Variants in CADPS observed in about 807,000 individuals in gnomAD.
CADPS encodes the protein calcium dependent secretion activator.
In CADPS, 57 loss-of-function variants were observed where a neutral mutation model predicts 167.3. That is an observed-to-expected ratio of 0.34 (90% CI 0.28 to 0.42). The LOEUF (loss-of-function observed/expected upper bound fraction) is 0.42. Among genes scored for constraint, CADPS ranks in the 20% least tolerant of loss-of-function variants. The probability of loss-of-function intolerance (pLI) is 1.00; values close to 1 mark genes in which losing one functional copy is unlikely to be tolerated. For synonymous variants in CADPS, 676 were observed against 635.3 expected, an observed-to-expected ratio of 1.06 and a Z score of -0.96; for missense variants, 1,414 against 1,738.1, an observed-to-expected ratio of 0.81 and a Z score of 3.32.
chr3:62,663,925 G>A (rs2073911172), intron 3 of CADPS, among the ~76,000 whole-genome samples: 1 of 152,190 alleles, frequency 6.6e-6, no homozygotes, highest in South Asian at 2.1e-4. Flanking sequence ...TTCTAAGGCA[G>A]TATTTTCCAA....
At chr3:62,606,020 T>C (rs1448274434) in intron 6 of CADPS, among the ~76,000 whole-genome samples, 1 of 152,182 alleles carries the variant, frequency 6.6e-6, no homozygotes, top group Non-Finnish European at 1.5e-5. Flanking sequence ...CTTCCTTCTC[T>C]GAGTGCCTGG....
At chr3:62,731,934 A>G (rs1381549158) in intron 3 of CADPS, among the ~76,000 whole-genome samples, 2 of 147,020 alleles carry the variant, frequency 1.4e-5, no homozygotes, top group African/African-American at 5.2e-5. Flanking sequence ...AAGGCCCCTT[A>G]GAGGTGGAGC....
At chr3:62,498,889 T>C (rs1352736657) in intron 18 of CADPS, among the ~76,000 whole-genome samples, 1 of 152,204 alleles carries the variant, frequency 6.6e-6, no homozygotes, top group African/African-American at 2.4e-5. Flanking sequence ...AGATGCTGCT[T>C]GAATGATTAA....
chr3:62,398,949 TAAA>T lies in CADPS; in HGVS notation c.*454_*456del, dbSNP rs1704947413. The T allele has an allele frequency of 6.6e-6, 1 of 152,536 alleles. No individual in the cohort carries two copies. The highest frequency in any genetic ancestry group is 1.9e-4 in the East Asian group (1 of 5,200). 9.4% of individuals were successfully genotyped at this position (152,536 alleles called of 1,614,324 possible). ...CCTTTTGTTTTTCAAAAAATAAAAA[TAAA>T]AACACAAAGCAGATCTATGTGTTTT... On this transcript the variant is annotated 3_prime_UTR_variant, in exon 30 of 30. Coordinates refer to ENST00000383710, the MANE Select transcript of CADPS (RefSeq NM_003716.4).
intron 28 of CADPS, among the ~76,000 whole-genome samples, chr3:62,418,214 A>G (rs952143810): frequency 9.2e-5 from 14 of 151,944 alleles, no homozygotes; most frequent in Non-Finnish European, 1.9e-4. Context: ...ATGTAATTTC[A>G]TATGTAATAA....
intron 3 of CADPS, among the ~76,000 whole-genome samples, chr3:62,683,816 T>G (rs1249960769): frequency 1.3e-5 from 2 of 152,056 alleles, no homozygotes; most frequent in African/African-American, 4.8e-5. Flanking sequence ...GGAATGTCCC[T>G]TGATTTGGGT....
intron 1 of CADPS, among the ~76,000 whole-genome samples, chr3:62,836,657 C>A (rs1236433304): frequency 6.6e-6 from 1 of 152,114 alleles, no homozygotes; most frequent in Non-Finnish European, 1.5e-5. Context: ...TCTTTGGAAG[C>A]TAAGCTGGAG....
intron 10 of CADPS, among the ~76,000 whole-genome samples, chr3:62,551,803 CT>C (rs552757134): frequency 5.9e-5 from 9 of 152,230 alleles, no homozygotes; most frequent in Admixed American, 2.0e-4. Context: ...CTGGAGCACT[CT>C]TTTTTCAGGT....
In CADPS at chr3:62,602,769, G is replaced by A. The variant is rs558687429; in HGVS notation, c.1326-10021C>T. 2.0e-5 allele frequency among the ~76,000 whole-genome samples: 3 copies of A among 152,258 alleles called. No homozygotes were observed. The highest frequency in any genetic ancestry group is 3.9e-4 in the East Asian group (2 of 5,170). On this transcript the variant is annotated intron_variant, in intron 6 of 29. Transcript: ENST00000383710. This position sits in a 1 kb window ranked among gnomAD's most constrained non-coding sequence, Gnocchi z 4.4. ...TTCCACTGGAACGTCTCCTCTCCAG[G>A]AGTCTGAGATCAAATGTGTCCAAAC...
At chr3:62,786,316 A>G (rs1263751372) in intron 1 of CADPS, among the ~76,000 whole-genome samples, 1 of 152,104 alleles carries the variant, frequency 6.6e-6, no homozygotes, top group Non-Finnish European at 1.5e-5. Context: ...CTTTTTGGAA[A>G]TGACTCTTCT....
chr3:62,868,944 A>G (rs1010787932), intron 1 of CADPS, among the ~76,000 whole-genome samples: 4 of 152,116 alleles, frequency 2.6e-5, no homozygotes, highest in African/African-American at 9.7e-5. Context: ...GCCTACAATC[A>G]GTTGTTCATT....
In CADPS at chr3:62,869,571, C is replaced by G. The variant is rs72884021; in HGVS notation, c.441+5018G>C. On this transcript the variant is annotated intron_variant, in intron 1 of 29. Transcript: ENST00000383710. Reference sequence around the variant, plus strand: ...TTTTTTTCTACTACTGTATCCAATCCTGTGTGTGCATGCACTCTTCTTTCT... The same window carrying G: ...TTTTTTTCTACTACTGTATCCAATCGTGTGTGTGCATGCACTCTTCTTTCT... Among the ~76,000 whole-genome samples, 715 of 152,200 alleles carry G rather than the reference C, an allele frequency of 4.7e-3. 4 individuals carry two copies. The highest frequency in any genetic ancestry group is 0.016 in the African/African-American group (669 of 41,542).
At chr3:62,801,110 G>A (rs2152805484) in intron 1 of CADPS, among the ~76,000 whole-genome samples, 1 of 152,180 alleles carries the variant, frequency 6.6e-6, no homozygotes, top group South Asian at 2.1e-4. Flanking sequence ...TGTAGAGTGG[G>A]CATTATACCA....
chr3:62,759,778 C>A lies in CADPS; in HGVS notation c.556-6005G>T, dbSNP rs117315516. On this transcript the variant is annotated intron_variant, in intron 2 of 29. Coordinates refer to ENST00000383710, the MANE Select transcript of CADPS (RefSeq NM_003716.4). ...CAAGTATTTTTTAACCATGTAAATGCAGAGATTTTTCTACATTGTCTGTTT... is the reference window on the plus strand; with the variant it reads ...CAAGTATTTTTTAACCATGTAAATGAAGAGATTTTTCTACATTGTCTGTTT... 1.9e-4 allele frequency among the ~76,000 whole-genome samples: 29 copies of A among 152,170 alleles called. No individual in the cohort carries two copies. In the East Asian group the frequency reaches 2.9e-3, roughly 15 times the overall value.
intron 24 of CADPS, among the ~76,000 whole-genome samples, chr3:62,471,233 C>A (rs1475614175): frequency 6.6e-6 from 1 of 151,988 alleles, no homozygotes; most frequent in African/African-American, 2.4e-5. Flanking sequence ...AACCAGACTC[C>A]CAGGTCAAGC....
intron 6 of CADPS, among the ~76,000 whole-genome samples, chr3:62,638,933 G>C (rs2066865871): frequency 6.6e-6 from 1 of 152,156 alleles, no homozygotes; most frequent in South Asian, 2.1e-4. Flanking sequence ...ATTTATGATG[G>C]AGCTTGGAGA....
chr3:62,740,435 G>C (rs2079966997), intron 3 of CADPS, among the ~76,000 whole-genome samples: 1 of 152,144 alleles, frequency 6.6e-6, no homozygotes, highest in African/African-American at 2.4e-5. Context: ...ATACACAGTA[G>C]CAAAGAATTG....
chr3:62,463,038 C>G (rs1041946552), intron 26 of CADPS, among the ~76,000 whole-genome samples: 1 of 152,120 alleles, frequency 6.6e-6, no homozygotes, highest in Admixed American at 6.6e-5. Context: ...CAACAGGCAC[C>G]GAAGTGTTCT....
At chr3:62,459,683 C>T (rs992548552) in intron 26 of CADPS, among the ~76,000 whole-genome samples, 1 of 152,184 alleles carries the variant, frequency 6.6e-6, no homozygotes, top group African/African-American at 2.4e-5. Context: ...TGAGTAATCA[C>T]CATGCTTGTA....
Sources: gnomAD v4.1 joint callset for allele counts (sites outside exome capture counted in the v4.1 genomes callset) on GRCh38, gnomAD v4.1.1 for gene constraint, Gnocchi (gnomAD v3.1) non-coding constraint, MANE v1.5 for transcripts, NCBI Gene and HGNC (gene_info 2026-07-23, HGNC 2026-07-21) for gene names.